SCRN3: variants seen among roughly 807,000 people sequenced by gnomAD.
The protein encoded by SCRN3 is secernin 3.
In SCRN3, 39 loss-of-function variants were observed where a neutral mutation model predicts 43.1. The ratio of observed to expected loss-of-function variants is 0.91; its 90% CI spans 0.70 to 1.18. The LOEUF (loss-of-function observed/expected upper bound fraction) is 1.18. Among genes scored for constraint, SCRN3 ranks in the 50% most tolerant of loss-of-function variants. SCRN3 has a pLI of 0.00. For synonymous variants in SCRN3, 147 were observed against 163.1 expected, an observed-to-expected ratio of 0.90 and a Z score of 0.75; for missense variants, 484 against 498.0, an observed-to-expected ratio of 0.97 and a Z score of 0.27.
intron 5 of SCRN3, among the ~76,000 whole-genome samples, chr2:174,412,950 C>T (rs1247116610): frequency 6.7e-6 from 1 of 148,754 alleles, no homozygotes; most frequent in Non-Finnish European, 1.5e-5. Flanking sequence ...TCACCACAAC[C>T]TCTGCCTCCC....
At position 174,395,758 on chromosome 2, in the gene SCRN3, T is replaced by G. The variant is rs759673854; in HGVS notation, c.-69T>G. 3 of 1,586,514 alleles carry G rather than the reference T, an allele frequency of 1.9e-6. No homozygotes were observed. The highest frequency in any genetic ancestry group is 8.6e-7 in the Non-Finnish European group (1 of 1,165,732). On this transcript the variant is annotated 5_prime_UTR_variant, in exon 1 of 8. The change abolishes an upstream ATG in the 5' untranslated region. Transcript: ENST00000272732. The stretch of plus-strand genomic sequence containing the variant: ...AAAGGTGACAGCTTCCGGCAACTGA[T>G]GCCTCCACTGGCCACTCCTCCCTCC...
At position 174,408,406 on chromosome 2, in the gene SCRN3, C is replaced by G. The variant is rs1304112659; in HGVS notation, c.754+4091C>G. 5.1e-5 allele frequency among the ~76,000 whole-genome samples: 7 copies of G among 138,410 alleles called. No individual in the cohort carries two copies. In the South Asian group the frequency reaches 1.1e-3, roughly 22 times the overall value. The allele number at this position is 138,410 out of a possible 152,430, so 90.8% of individuals were successfully genotyped here. A position where few individuals can be genotyped will look rare whatever the true frequency, so the allele number is the denominator to read the frequency against. ...TACAGCACACTGATGGATCTTGACT[C>G]TATCCAATTTGCCAGTCTGTGTCTT... On this transcript the variant is annotated intron_variant, in intron 5 of 7. Coordinates refer to ENST00000272732, the MANE Select transcript of SCRN3 (RefSeq NM_024583.5).
At position 174,395,772 on chromosome 2, in the gene SCRN3, A is replaced by G; in HGVS notation, c.-55A>G. ...CCGGCAACTGATGCCTCCACTGGCC[A>G]CTCCTCCCTCCGTCCACCTGTCACT... is the stretch of plus-strand genomic sequence containing the variant. On this transcript the variant is annotated 5_prime_UTR_variant, in exon 1 of 8. Transcript: ENST00000272732. 1 of 1,570,552 alleles carries G rather than the reference A, an allele frequency of 6.4e-7. No homozygotes were observed. Among genetic ancestry groups the G allele is most frequent in the Middle Eastern group, 1.7e-4 (1 of 5,932 alleles).
intron 5 of SCRN3, among the ~76,000 whole-genome samples, chr2:174,422,122 A>AT (rs1686313284): frequency 6.6e-6 from 1 of 152,116 alleles, no homozygotes; most frequent in African/African-American, 2.4e-5. Context: ...TATTTACTTA[A>AT]TTTTTTCAAT....
chr2:174,403,552 A>G (rs931462701), intron 4 of SCRN3, among the ~76,000 whole-genome samples: 2 of 152,242 alleles, frequency 1.3e-5, no homozygotes, highest in Non-Finnish European at 1.5e-5. Flanking sequence ...AACTATTGAT[A>G]TATACAATAA....
chr2:174,404,259 T>C lies in SCRN3; in HGVS notation c.698T>C (p.Met233Thr), dbSNP rs759618305. 23 of 1,613,788 alleles carry C rather than the reference T, an allele frequency of 1.4e-5. No homozygotes were observed. In the South Asian group the frequency reaches 2.0e-4, roughly 14 times the overall value. Residue 233 changes from methionine (M) to threonine (T), a missense_variant, in exon 5 of 8, where the codon ATG becomes ACG. By Grantham distance (81) the Met-to-Thr change is moderately conservative (BLOSUM62 -1). Transcript: ENST00000272732. ...TATTCCTATCTTGACACAGCCAAGATGATGACTTCATCAGGCAGATACTGT... is the reference window on the plus strand; with the variant it reads ...TATTCCTATCTTGACACAGCCAAGACGATGACTTCATCAGGCAGATACTGT... ...AAYSYLDTAK[M>T]MTSSGRYCEG...
rs150221564 is a variant in SCRN3 at position 174,401,332 on chromosome 2, A to G, written c.541+143A>G. The G allele has an allele frequency of 5.4e-4, 356 of 659,094 alleles. 2 individuals are homozygous for G. The East Asian group carries it at 8.6e-3, about 16-fold the overall frequency. 40.8% of individuals were successfully genotyped at this position (659,094 alleles called of 1,614,324 possible). On this transcript the variant is annotated intron_variant, in intron 4 of 7. Transcript: ENST00000272732. The stretch of plus-strand genomic sequence containing the variant: ...ACTGCAAGGGAAATTTAAAAATTTG[A>G]AAGAACAGTGAAAAAGTGCCATAAA...
At position 174,424,369 on chromosome 2, in the gene SCRN3, C is replaced by A. The variant is rs748412975; in HGVS notation, c.918-106C>A. The A allele has an allele frequency of 1.7e-4, 134 of 788,524 alleles. 1 individual carries two copies. The highest frequency in any genetic ancestry group is 1.7e-3 in the South Asian group (84 of 50,636). 48.8% of individuals were successfully genotyped at this position (788,524 alleles called of 1,614,324 possible). Reference sequence around the variant, plus strand: ...GTGACAGGAACAAGTTAGTATGTAGCATCATTAACAGAAACTTCTAATTGA... The same window carrying A: ...GTGACAGGAACAAGTTAGTATGTAGAATCATTAACAGAAACTTCTAATTGA... On this transcript the variant is annotated intron_variant, in intron 6 of 7. Transcript: ENST00000272732.
At chr2:174,426,338 T>C (rs1360022715) in intron 7 of SCRN3, among the ~76,000 whole-genome samples, 3 of 152,226 alleles carry the variant, frequency 2.0e-5, no homozygotes, top group African/African-American at 7.2e-5. Context: ...ATACCATTTA[T>C]AGACAAAATC....
chr2:174,401,726 T>C (rs1472674323), intron 4 of SCRN3, among the ~76,000 whole-genome samples: 1 of 152,224 alleles, frequency 6.6e-6, no homozygotes, highest in Non-Finnish European at 1.5e-5. Flanking sequence ...ATTCCTCTAA[T>C]TTTTCAAGTG....
chr2:174,429,895 CTTCT>C (rs1253187833), downstream of SCRN3, among the ~76,000 whole-genome samples: 1 of 152,120 alleles, frequency 6.6e-6, no homozygotes, highest in African/African-American at 2.4e-5. Context: ...TTAAGATTGT[CTTCT>C]TTAACTTACT....
At chr2:174,426,348 C>A (rs1686480383) in intron 7 of SCRN3, among the ~76,000 whole-genome samples, 1 of 152,142 alleles carries the variant, frequency 6.6e-6, no homozygotes, top group African/African-American at 2.4e-5. Flanking sequence ...TAGACAAAAT[C>A]CATTTTTTTC....
In SCRN3 at chr2:174,427,804, A is replaced by T; in HGVS notation, c.1184A>T (p.Asp395Val). Residue 395 changes from aspartate (D) to valine (V), a missense_variant, in exon 8 of 8, where the codon GAT (aspartate) becomes GTT (valine). Transcript: ENST00000272732. ...MESILQNKHL[D>V]VEKIVNLFPQ... is the part of the protein sequence containing the mutation. ...TCAATCCTTCAAAACAAGCATCTTGATGTGGAGAAAATTGTTAATCTCTTT... is the reference window on the plus strand; with the variant it reads ...TCAATCCTTCAAAACAAGCATCTTGTTGTGGAGAAAATTGTTAATCTCTTT... The T allele has an allele frequency of 6.2e-7, 1 of 1,611,326 alleles. No homozygotes were observed. Among genetic ancestry groups the T allele is most frequent in the Non-Finnish European group, 8.5e-7 (1 of 1,177,634 alleles).
intron 5 of SCRN3, among the ~76,000 whole-genome samples, chr2:174,411,958 G>GTATA (rs1224660746): frequency 6.6e-6 from 1 of 152,100 alleles, no homozygotes; most frequent in African/African-American, 2.4e-5. Flanking sequence ...AATAATTAGA[G>GTATA]TATAGTTCAT....
In SCRN3 at chr2:174,427,760, A is replaced by G; in HGVS notation, c.1140A>G (p.Glu380=). Residue 380 remains glutamate (E), a synonymous_variant, in exon 8 of 8, where the codon GAA becomes GAG. Coordinates refer to ENST00000272732, the MANE Select transcript of SCRN3 (RefSeq NM_024583.5). ...ACAACATGAGGAAACTGGAGAAAGA[A>G]CTATTCAGAGAGATGGAATCAATCC... The part of the protein sequence containing the change: ...MLDNMRKLEK[E]LFREMESILQ... The G allele has an allele frequency of 1.2e-6, 2 of 1,610,362 alleles. No homozygotes were observed. Among genetic ancestry groups the G allele is most frequent in the Non-Finnish European group, 1.7e-6 (2 of 1,178,222 alleles).
At chr2:174,416,479 A>G (rs1480937494) in intron 5 of SCRN3, among the ~76,000 whole-genome samples, 2 of 152,176 alleles carry the variant, frequency 1.3e-5, no homozygotes, top group Non-Finnish European at 2.9e-5. Flanking sequence ...TAGAAGAATC[A>G]ACTACTCTGA....
chr2:174,396,632 A>C (rs1019894320), intron 1 of SCRN3, among the ~76,000 whole-genome samples: 1 of 152,180 alleles, frequency 6.6e-6, no homozygotes, highest in African/African-American at 2.4e-5. Flanking sequence ...CCCCGTCTCT[A>C]CTAAAAACAC....
At position 174,405,967 on chromosome 2, in the gene SCRN3, T is replaced by G. The variant is rs1239933927; in HGVS notation, c.754+1652T>G. Among the ~76,000 whole-genome samples the G allele has an allele frequency of 6.4e-5, 9 of 139,758 alleles. No homozygotes were observed. In the East Asian group the frequency reaches 1.9e-3, roughly 30 times the overall value. 91.7% of individuals were successfully genotyped at this position (139,758 alleles called of 152,430 possible). Reference sequence around the variant, plus strand: ...CTCTTTTTTGGTTCCATATGAACTTTAAAGTAGTTTTTTCCAATTCTGTGA... The same window carrying G: ...CTCTTTTTTGGTTCCATATGAACTTGAAAGTAGTTTTTTCCAATTCTGTGA... On this transcript the variant is annotated intron_variant, in intron 5 of 7. Transcript: ENST00000272732.
At chr2:174,398,212 ACT>A (rs1261943425) in intron 1 of SCRN3, 61 bp from the exon 2 acceptor site, 1 of 1,025,454 alleles carries the variant, frequency 9.8e-7, no homozygotes, top group African/African-American at 1.7e-5. Context: ...ATTGAGTAAA[ACT>A]CTTTATTTTT....
Sources: allele counts gnomAD v4.1 joint callset (sites outside exome capture counted in the v4.1 genomes callset), GRCh38; gene constraint gnomAD v4.1.1; transcripts MANE v1.5; gene names NCBI Gene and HGNC (gene_info 2026-07-23, HGNC 2026-07-21).